TLE1: variants seen among roughly 807,000 people sequenced by gnomAD.
The protein encoded by TLE1 is TLE family member 1, transcriptional corepressor.
A neutral mutation model predicts 89.8 loss-of-function variants in TLE1; 21 were observed. That is an observed-to-expected ratio of 0.23 (90% CI 0.17 to 0.34). The LOEUF (loss-of-function observed/expected upper bound fraction) is 0.34. TLE1 is among the 10% of genes least tolerant of loss of function. The pLI, the probability that TLE1 is intolerant of heterozygous loss-of-function variation, is 1.00. For synonymous variants in TLE1, 447 were observed against 407.6 expected, an observed-to-expected ratio of 1.10 and a Z score of -1.16; for missense variants, 795 against 1,031.2, an observed-to-expected ratio of 0.77 and a Z score of 3.14.
chr9:81,613,584 T>A, intron 11 of TLE1, 63 bp from the exon 12 acceptor site: 2 of 1,580,304 alleles, frequency 1.3e-6, no homozygotes, highest in Non-Finnish European at 1.7e-6. Flanking sequence ...ACACAATTTA[T>A]CACAACAGCA....
At position 81,634,176 on chromosome 9, in the gene TLE1, C is replaced by A. The variant is rs373534225; in HGVS notation, c.498G>T (p.Ala166=). The change falls in exon 7 of 20, where the codon GCG becomes GCT. Residue 166 remains alanine (A), a synonymous_variant. Coordinates refer to ENST00000376499, the MANE Select transcript of TLE1 (RefSeq NM_005077.5). The part of the protein sequence containing the change: ...PPLGGSAGLL[A]LSSALSGQSH... ...ACTGCCCACTCAGAGCACTAGACAGCGCAAGAAGGCCGGCACTGCCCCCGA... is the reference window on the plus strand; with the variant it reads ...ACTGCCCACTCAGAGCACTAGACAGAGCAAGAAGGCCGGCACTGCCCCCGA... The A allele has an allele frequency of 6.3e-7, 1 of 1,597,188 alleles. No individual in the cohort carries two copies. The highest frequency in any genetic ancestry group is 2.2e-5 in the East Asian group (1 of 44,530).
At chr9:81,671,334 C>T (rs771375814) in intron 4 of TLE1, among the ~76,000 whole-genome samples, 6 of 151,850 alleles carry the variant, frequency 4.0e-5, no homozygotes, top group African/African-American at 7.3e-5. Context: ...GGCAACATGG[C>T]GAAACCCTGT....
At chr9:81,660,828 G>A (rs1830672031) in intron 4 of TLE1, among the ~76,000 whole-genome samples, 1 of 151,240 alleles carries the variant, frequency 6.6e-6, no homozygotes, top group South Asian at 2.1e-4. Flanking sequence ...CGGGCGTGGT[G>A]GCTCACGCCT....
intron 16 of TLE1, among the ~76,000 whole-genome samples, chr9:81,588,108 G>A (rs1037651489): frequency 6.6e-6 from 1 of 152,130 alleles, no homozygotes. Flanking sequence ...ATGCTACTCT[G>A]ACAAAACCGT....
intron 8 of TLE1, among the ~76,000 whole-genome samples, chr9:81,621,597 G>A (rs185427581): frequency 3.9e-5 from 6 of 152,284 alleles, no homozygotes; most frequent in Non-Finnish European, 7.4e-5. Flanking sequence ...AATAGAAGGG[G>A]CTGGGGGATA....
Position 81,687,936 on chromosome 9 carries a change from G to A in TLE1, c.24+281C>T, listed in dbSNP as rs192887167. 3.9e-3 allele frequency among the ~76,000 whole-genome samples: 598 copies of A among 152,238 alleles called. 5 individuals are homozygous for A. Among genetic ancestry groups the A allele is most frequent in the African/African-American group, 0.014 (570 of 41,566 alleles). On this transcript the variant is annotated intron_variant, in intron 1 of 19. Coordinates refer to ENST00000376499, the MANE Select transcript of TLE1 (RefSeq NM_005077.5). ...GGCGCCCTGCCCCCACTCGGGGAAG[G>A]TAGAGGGGATATGGCTGCAGGAGAG... is the stretch of plus-strand genomic sequence containing the variant.
chr9:81,624,180 C>T (rs1825638445), intron 8 of TLE1, among the ~76,000 whole-genome samples: 1 of 152,210 alleles, frequency 6.6e-6, no homozygotes, highest in Non-Finnish European at 1.5e-5. Context: ...GTTTCTCTGA[C>T]CTACCTCCTA....
At chr9:81,663,281 T>A (rs898055045) in intron 4 of TLE1, among the ~76,000 whole-genome samples, 1 of 152,188 alleles carries the variant, frequency 6.6e-6, no homozygotes, top group Non-Finnish European at 1.5e-5. Flanking sequence ...CCAGCCCTCT[T>A]ACGATCCTCA....
chr9:81,613,462 CATGTCGCTCCGAGGCGTTGGT>C lies in TLE1; in HGVS notation c.957_977del (p.Arg323_Pro329del). ...GAGTGGCGCTGGTGCCCGGCGTTGG[CATGTCGCTCCGAGGCGTTGGT>C]GTGCTGGATTTCAGAACAGGCGTGC... On this transcript the variant is annotated inframe_deletion, in exon 12 of 20. Transcript: ENST00000376499. The C allele has an allele frequency of 6.2e-7, 1 of 1,614,202 alleles. No homozygotes were observed. Among genetic ancestry groups the C allele is most frequent in the African/African-American group, 1.3e-5 (1 of 75,076 alleles).
Position 81,595,662 on chromosome 9 carries a change from C to CA in TLE1, c.1332-2389dup, listed in dbSNP as rs920818760. Among the ~76,000 whole-genome samples the CA allele has an allele frequency of 4.2e-4, 64 of 151,738 alleles. 1 individual carries two copies. Among genetic ancestry groups the CA allele is most frequent in the Admixed American group, 1.2e-3 (19 of 15,262 alleles). Reference sequence around the variant, plus strand: ...TGAAACCCCATCTCTACTAAAAATACAAAAAAATCAGCCGGGTATGGTGGC... The same window carrying CA: ...TGAAACCCCATCTCTACTAAAAATACAAAAAAAATCAGCCGGGTATGGTGGC... On this transcript the variant is annotated intron_variant, in intron 14 of 19. Coordinates refer to ENST00000376499, the MANE Select transcript of TLE1 (RefSeq NM_005077.5).
Position 81,591,014 on chromosome 9 carries a change from G to C in TLE1, c.1620C>G (p.Pro540=), listed in dbSNP as rs780061623. The C allele has an allele frequency of 6.2e-7, 1 of 1,614,224 alleles. No homozygotes were observed. Among genetic ancestry groups the C allele is most frequent in the Admixed American group, 1.7e-5 (1 of 60,028 alleles). ...DNYIRSCKLL[P]DGCTLIVGGE... ...CTCCCACTATGAGAGTGCAGCCATC[G>C]GGTAGCAATTTACAGGAACGGATAT... is the stretch of plus-strand genomic sequence containing the variant. The change falls in exon 16 of 20, where the codon CCC becomes CCG. Residue 540 remains proline (P), a synonymous_variant. Coordinates refer to ENST00000376499, the MANE Select transcript of TLE1 (RefSeq NM_005077.5).
chr9:81,679,764 T>C (rs576267611), intron 4 of TLE1, among the ~76,000 whole-genome samples: 116 of 152,116 alleles, frequency 7.6e-4, no homozygotes, highest in African/African-American at 2.7e-3. Context: ...CAATAAGCAA[T>C]GGGGAGGGGA....
rs149495671 is a variant in TLE1 at position 81,630,945 on chromosome 9, A to C, written c.594+2403T>G. Among the ~76,000 whole-genome samples, 881 of 152,346 alleles carry C rather than the reference A, an allele frequency of 5.8e-3. 12 individuals carry two copies. Among genetic ancestry groups the C allele is most frequent in the African/African-American group, 0.02 (849 of 41,572 alleles). On this transcript the variant is annotated intron_variant, in intron 8 of 19. Coordinates refer to ENST00000376499, the MANE Select transcript of TLE1 (RefSeq NM_005077.5). ...GGACTGAATTAAATGCTTAGGTTAC[A>C]ATTAGTGTAGTTTTCCCATTTTAAT...
At position 81,673,226 on chromosome 9, in the gene TLE1, T is replaced by A. The variant is rs899268562; in HGVS notation, c.234+12450A>T. On this transcript the variant is annotated intron_variant, in intron 4 of 19. Transcript: ENST00000376499. ...AGGTGGAGGTTGCAGTGAACCAAGA[T>A]TGCGCCATTGCACTCCAGCCTGGGG... Among the ~76,000 whole-genome samples, 4 of 145,672 alleles carry A rather than the reference T, an allele frequency of 2.7e-5. No individual in the cohort carries two copies. The South Asian group carries it at 8.6e-4, about 31-fold the overall frequency.
intron 6 of TLE1, among the ~76,000 whole-genome samples, chr9:81,636,309 C>G (rs1827351057): frequency 6.6e-6 from 1 of 152,074 alleles, no homozygotes; most frequent in Non-Finnish European, 1.5e-5. Flanking sequence ...TCACGGTCCA[C>G]TAGGCATGCT....
At chr9:81,587,859 T>C in intron 16 of TLE1, 31 bp from the exon 17 acceptor site, 2 of 1,580,954 alleles carry the variant, frequency 1.3e-6, no homozygotes, top group Non-Finnish European at 1.7e-6. Flanking sequence ...GAATAATGAT[T>C]TCCTGCCAGA....
At chr9:81,617,100 GA>G (rs1343111991) in intron 9 of TLE1, among the ~76,000 whole-genome samples, 1 of 138,050 alleles carries the variant, frequency 7.2e-6, no homozygotes, top group Admixed American at 7.6e-5. Flanking sequence ...GATTTCAAGG[GA>G]AACCATTTTC....
chr9:81,611,623 G>A (rs1823718332), intron 13 of TLE1, 146 bp downstream of exon 13: 2 of 709,116 alleles, frequency 2.8e-6, no homozygotes, highest in Non-Finnish European at 2.0e-6. Flanking sequence ...GTGTGGCTGG[G>A]AGACTGGGCG....
intron 14 of TLE1, among the ~76,000 whole-genome samples, chr9:81,606,426 G>C (rs1340598035): frequency 6.6e-6 from 1 of 152,164 alleles, no homozygotes; most frequent in South Asian, 2.1e-4. Context: ...ACACACCATG[G>C]AATACTATGC....
Sources: allele counts gnomAD v4.1 joint callset (sites outside exome capture counted in the v4.1 genomes callset), GRCh38; gene constraint gnomAD v4.1.1; transcripts MANE v1.5; gene names NCBI Gene and HGNC (gene_info 2026-07-23, HGNC 2026-07-21).